GAL3ST1: variants seen among roughly 807,000 people sequenced by gnomAD.
GAL3ST1 encodes the protein galactose-3-O-sulfotransferase 1.
Under a neutral mutation model 25.0 loss-of-function variants are expected in GAL3ST1, and 13 were observed. That is an observed-to-expected ratio of 0.52 (90% CI 0.34 to 0.83). The LOEUF (loss-of-function observed/expected upper bound fraction) is 0.83. Ranked by LOEUF, GAL3ST1 falls within the 40% of genes least tolerant of loss-of-function variation. The probability of loss-of-function intolerance (pLI) is 0.02; values close to 1 mark genes in which losing one functional copy is unlikely to be tolerated. For missense variants in GAL3ST1, 474 were observed against 613.6 expected (o/e 0.77, Z 2.40); for synonymous variants, 274 against 277.8 (o/e 0.99, Z 0.14).
intron 1 of GAL3ST1, chr22:30,565,226 G>A (rs2086586808): frequency 6.6e-6 from 1 of 152,314 alleles, no homozygotes; most frequent in Non-Finnish European, 1.5e-5. Context: ...GAGAGGTGCA[G>A]GTGGGCTGGG....
chr22:30,573,639 G>A (rs376525219), intron 1 of GAL3ST1, among the ~76,000 whole-genome samples: 1 of 152,202 alleles, frequency 6.6e-6, no homozygotes, highest in African/African-American at 2.4e-5. Flanking sequence ...ACCTGTCACC[G>A]CGGCAGCCCG....
chr22:30,573,413 G>A (rs1486152308), intron 1 of GAL3ST1, among the ~76,000 whole-genome samples: 1 of 152,214 alleles, frequency 6.6e-6, no homozygotes, highest in Non-Finnish European at 1.5e-5. Flanking sequence ...GGATAATGGG[G>A]ATAGGTAGCA....
At chr22:30,572,051 C>T (rs2146441084) in intron 1 of GAL3ST1, among the ~76,000 whole-genome samples, 1 of 152,242 alleles carries the variant, frequency 6.6e-6, no homozygotes, top group East Asian at 1.9e-4. Flanking sequence ...GTAAATCACC[C>T]CGCTTCCTGA....
chr22:30,567,803 C>T (rs950456568), intron 1 of GAL3ST1, among the ~76,000 whole-genome samples: 1 of 152,082 alleles, frequency 6.6e-6, no homozygotes, highest in Admixed American at 6.6e-5. Context: ...CCTGCCTCAC[C>T]CTTCCAAGTA....
Position 30,555,879 on chromosome 22 carries a change from C to A in GAL3ST1, c.346G>T (p.Asp116Tyr), listed in dbSNP as rs745553560. 1.3e-5 allele frequency: 21 copies of A among 1,614,034 alleles called. 1 individual carries two copies. In the Admixed American group the frequency reaches 3.5e-4, roughly 27 times the overall value. Residue 116 changes from aspartate to tyrosine, a missense_variant, in exon 4 of 4, where the codon GAC becomes TAC. Physicochemically the swap from Asp to Tyr is radical, Grantham distance 160 (BLOSUM62 -3). This residue lies in a region of GAL3ST1 where 359 missense variants were observed against 504.4 expected (regional missense o/e 0.71). Coordinates refer to ENST00000406361, the MANE Select transcript of GAL3ST1 (RefSeq NM_001318104.2). The surrounding 1 kb of genome is among the most constrained non-coding windows in gnomAD (Gnocchi z 8.6). The part of the protein sequence containing the change: ...FAFPNGRNDF[D>Y]YPTFFARSLV... ...CTGCGGGCGAAGAAGGTCGGGTAGT[C>A]GAAGTCATTGCGGCCGTTAGGGAAG...
Position 30,555,964 on chromosome 22 carries a change from G to C in GAL3ST1, c.261C>G (p.Ala87=). 3 of 1,613,948 alleles carry C rather than the reference G, an allele frequency of 1.9e-6. No homozygotes were observed. Among genetic ancestry groups the C allele is most frequent in the Non-Finnish European group, 2.5e-6 (3 of 1,180,002 alleles). Reference sequence around the variant, plus strand: ...ACAGGATGTTGAGCAGGGTGCTGCTGGCCGTCTTGTGCGTCTTCAAGAACA... The same window carrying C: ...ACAGGATGTTGAGCAGGGTGCTGCTCGCCGTCTTGTGCGTCTTCAAGAACA... ...NIVFLKTHKT[A]SSTLLNILFR... The change falls in exon 4 of 4, where the codon GCC becomes GCG. Residue 87 remains alanine, a synonymous_variant. Transcript: ENST00000406361. This position sits in a 1 kb window ranked among gnomAD's most constrained non-coding sequence, Gnocchi z 8.6.
rs541989377 is a variant in GAL3ST1, at chr22:30,571,447, C to A, written c.-120+3019G>T. 1.9e-3 allele frequency among the ~76,000 whole-genome samples: 285 copies of A among 152,308 alleles called. 1 individual carries two copies. The highest frequency in any genetic ancestry group is 6.4e-3 in the African/African-American group (264 of 41,560). On this transcript the variant is annotated intron_variant, in intron 1 of 3. Coordinates refer to ENST00000406361, the MANE Select transcript of GAL3ST1 (RefSeq NM_001318104.2). The stretch of plus-strand genomic sequence containing the variant: ...CAGCCCAGACATCTGGCCCCTGCTG[C>A]GACCTAGCCTGCAGGGGTGGATGCA...
At chr22:30,571,440 C>CCTGCTGCGACCTAGCCT (rs1169169279) in intron 1 of GAL3ST1, among the ~76,000 whole-genome samples, 33 of 152,314 alleles carry the variant, frequency 2.2e-4, no homozygotes, top group Middle Eastern at 3.4e-3. Context: ...ACATCTGGCC[C>CCTGCTGCGACCTAGCCT]CTGCTGCGAC....
intron 1 of GAL3ST1, among the ~76,000 whole-genome samples, chr22:30,559,330 TC>T (rs2086235979): frequency 6.6e-6 from 1 of 152,020 alleles, no homozygotes; most frequent in Admixed American, 6.6e-5. Context: ...AACCTTTGAC[TC>T]CCCGGTTCAA....
At chr22:30,566,844 C>G (rs1431357371) in intron 1 of GAL3ST1, among the ~76,000 whole-genome samples, 1 of 152,216 alleles carries the variant, frequency 6.6e-6, no homozygotes. Flanking sequence ...CTCCTGACCT[C>G]ATGATCTGCC....
At chr22:30,557,184 G>T in intron 3 of GAL3ST1, 78 bp downstream of exon 3, 1 of 1,437,378 alleles carries the variant, frequency 7.0e-7, no homozygotes, top group Non-Finnish European at 9.7e-7. Flanking sequence ...CAGGCCCTGT[G>T]GTAATTACAG....
At chr22:30,556,949 G>A (rs773428784) in intron 3 of GAL3ST1, among the ~76,000 whole-genome samples, 1 of 152,180 alleles carries the variant, frequency 6.6e-6, no homozygotes, top group Non-Finnish European at 1.5e-5. Context: ...TGGCCAGGCT[G>A]GTCTCGAACT....
chr22:30,555,208 C>T lies in GAL3ST1; in HGVS notation c.1017G>A (p.Glu339=). The change falls in exon 4 of 4, where the codon GAG becomes GAA. Residue 339 remains glutamate, a synonymous_variant. Coordinates refer to ENST00000406361, the MANE Select transcript of GAL3ST1 (RefSeq NM_001318104.2). This position sits in a 1 kb window ranked among gnomAD's most constrained non-coding sequence, Gnocchi z 8.6. ...CGTCGATGCAGATGGTCCGCATGCG[C>T]TCGTTGGCATGGCGCAGGGCGGCCA... ...REVAALRHAN[E]RMRTICIDGG... 1.3e-6 allele frequency: 2 copies of T among 1,599,570 alleles called. No individual in the cohort carries two copies. Among genetic ancestry groups the T allele is most frequent in the East Asian group, 2.2e-5 (1 of 44,670 alleles).
chr22:30,561,775 G>T (rs1213505109), intron 1 of GAL3ST1, among the ~76,000 whole-genome samples: 1 of 152,194 alleles, frequency 6.6e-6, no homozygotes, highest in African/African-American at 2.4e-5. Flanking sequence ...AAAGCAGAGG[G>T]GGCCCTGGTG....
At chr22:30,558,701 C>T (rs980989842) in intron 1 of GAL3ST1, among the ~76,000 whole-genome samples, 2 of 152,194 alleles carry the variant, frequency 1.3e-5, no homozygotes, top group Non-Finnish European at 2.9e-5. Flanking sequence ...AAGAAGAAGG[C>T]TCAAGTCACA....
rs531872969 is a variant in GAL3ST1, at chr22:30,555,058, G to A, written c.1167C>T (p.Leu389=). The A allele has an allele frequency of 1.2e-5, 20 of 1,612,450 alleles. No individual in the cohort carries two copies. Among genetic ancestry groups the A allele is most frequent in the Admixed American group, 1.7e-5 (1 of 60,022 alleles). ...KKSIGQRHAQ[L]CRRMLTPEIQ... The stretch of plus-strand genomic sequence containing the variant: ...TCTCGGGCGTGAGCATGCGCCGGCA[G>A]AGCTGCGCGTGCCGCTGCCCGATGC... The change falls in exon 4 of 4, where the codon CTC becomes CTT. Residue 389 remains leucine, a synonymous_variant. Transcript: ENST00000406361. This position sits in a 1 kb window ranked among gnomAD's most constrained non-coding sequence, Gnocchi z 8.6.
intron 1 of GAL3ST1, among the ~76,000 whole-genome samples, chr22:30,569,930 A>C (rs1232753234): frequency 6.6e-6 from 1 of 151,998 alleles, no homozygotes; most frequent in Non-Finnish European, 1.5e-5. Context: ...AAAAAATTTA[A>C]ACATTAGCCC....
intron 1 of GAL3ST1, among the ~76,000 whole-genome samples, chr22:30,568,531 G>T (rs972654196): frequency 6.6e-6 from 1 of 152,172 alleles, no homozygotes; most frequent in Non-Finnish European, 1.5e-5. Flanking sequence ...ACACTGACTG[G>T]ATTTCAAGAA....
In GAL3ST1 at chr22:30,570,977, TACACACACAC is replaced by T. The variant is rs67031445; in HGVS notation, c.-120+3479_-120+3488del. Reference sequence around the variant, plus strand: ...GGAACATATTTTGATTCTGTGATGATACACACACACACACACACACACACACACACACACA... The same window carrying T: ...GGAACATATTTTGATTCTGTGATGATACACACACACACACACACACACACA... On this transcript the variant is annotated intron_variant, in intron 1 of 3. Transcript: ENST00000406361. Among the ~76,000 whole-genome samples the T allele has an allele frequency of 8.2e-4, 120 of 146,182 alleles. 1 individual carries two copies. In the Middle Eastern group the frequency reaches 0.011, roughly 13 times the overall value.
Sources: gnomAD v4.1 joint callset for allele counts (sites outside exome capture counted in the v4.1 genomes callset) on GRCh38, gnomAD v4.1.1 for gene constraint, gnomAD v4.1.1 regional missense constraint, Gnocchi (gnomAD v3.1) non-coding constraint, MANE v1.5 for transcripts, NCBI Gene and HGNC (gene_info 2026-07-23, HGNC 2026-07-21) for gene names.